The following GUCY2F variants were observed in gnomAD, a reference collection of about 807,000 sequenced individuals.
GUCY2F encodes the protein guanylate cyclase 2F, retinal, also known as retinal guanylyl cyclase 2.
In GUCY2F, 61 loss-of-function variants were observed where a neutral mutation model predicts 73.1. The ratio of observed to expected loss-of-function variants is 0.83; its 90% CI spans 0.68 to 1.03. The LOEUF (loss-of-function observed/expected upper bound fraction) is 1.03, where lower values mean the gene tolerates loss of function less well. Ranked by LOEUF, GUCY2F falls within the 50% of genes least tolerant of loss-of-function variation. The pLI is 0.00. For synonymous variants in GUCY2F, 331 were observed against 307.8 expected, an observed-to-expected ratio of 1.08 and a Z score of -0.79; for missense variants, 912 against 854.3, an observed-to-expected ratio of 1.07 and a Z score of -0.84.
chrX:109,409,254 CCTT>C (rs1319174878), intron 8 of GUCY2F, 86 bp from the exon 9 acceptor site: 1 of 491,235 alleles, frequency 2.0e-6, no homozygotes, highest in East Asian at 3.5e-5. Flanking sequence ...TTCTCTTGAC[CCTT>C]CTTATGATTG....
rs1932188092 is a variant in GUCY2F, at chrX:109,453,621, A to G, written c.1271T>C (p.Val424Ala). Residue 424 changes from valine (V) to alanine (A), a missense_variant, in exon 4 of 20, where the codon GTG becomes GCG. Transcript: ENST00000218006. ...KEWELHSTYT[V>A]DMEMELLRFG... ...ACGTAGCAGCTCCATTTCCATGTCCACAGTGTAGGTGCTATGGAGTTCCCA... is the reference window on the plus strand; with the variant it reads ...ACGTAGCAGCTCCATTTCCATGTCCGCAGTGTAGGTGCTATGGAGTTCCCA... 1 of 1,198,129 alleles carries G rather than the reference A, an allele frequency of 8.3e-7. No individual in the cohort carries two copies. Among genetic ancestry groups the G allele is most frequent in the African/African-American group, 1.8e-5 (1 of 56,844 alleles).
intron 17 of GUCY2F, 54 bp downstream of exon 17, chrX:109,382,064 C>A (rs1930326117): frequency 6.0e-6 from 4 of 661,241 alleles, no homozygotes; most frequent in Non-Finnish European, 1.0e-5. Context: ...CATGACCTCT[C>A]CAGAAGCAGG....
At chrX:109,408,752 A>G (rs753763476) in intron 9 of GUCY2F, among the ~76,000 whole-genome samples, 13 of 111,628 alleles carry the variant, frequency 1.2e-4, no homozygotes, top group Non-Finnish European at 2.3e-4. Flanking sequence ...CCATATAAGA[A>G]GTGCCTTTCA....
At chrX:109,460,299 C>G (rs1229392134) in intron 3 of GUCY2F, among the ~76,000 whole-genome samples, 2 of 111,528 alleles carry the variant, frequency 1.8e-5, no homozygotes, top group East Asian at 5.6e-4. Context: ...TATCATGTGT[C>G]AAAGACTCAT....
intron 2 of GUCY2F, 117 bp from the exon 3 acceptor site, chrX:109,465,560 C>T: frequency 1.9e-6 from 1 of 524,360 alleles, no homozygotes; most frequent in Middle Eastern, 4.1e-4. Context: ...GTTTCTTATG[C>T]CTCCAAGATA....
chrX:109,383,267 G>A (rs1326071241), intron 16 of GUCY2F: 2 of 171,803 alleles, frequency 1.2e-5, no homozygotes, highest in Non-Finnish European at 9.3e-6. Context: ...AGTCCTATGT[G>A]TGCATCCCAC....
rs200322425 is a variant in GUCY2F, at chrX:109,388,537, G to A, written c.2908C>T (p.Arg970Trp). 10 of 1,204,529 alleles carry A rather than the reference G, an allele frequency of 8.3e-6. No individual in the cohort carries two copies. Among genetic ancestry groups the A allele is most frequent in the South Asian group, 7.1e-5 (4 of 56,593 alleles). ...CGGACCGGCACTTCTGGCATGTGCC[G>A]CATCTTGAAAGTGCCCACAGAGCTC... is the stretch of plus-strand genomic sequence containing the variant. ...ILSSVGTFKM[R>W]HMPEVPVRIR... is the part of the protein sequence containing the mutation. Residue 970 changes from arginine (R) to tryptophan (W), a missense_variant, in exon 15 of 20, where the codon CGG becomes TGG. Arg to Trp is a moderately radical substitution (Grantham distance 101). Coordinates refer to ENST00000218006, the MANE Select transcript of GUCY2F (RefSeq NM_001522.3).
intron 3 of GUCY2F, among the ~76,000 whole-genome samples, chrX:109,454,453 C>T (rs909852654): frequency 1.8e-5 from 2 of 111,389 alleles, no homozygotes; most frequent in Non-Finnish European, 3.8e-5. Context: ...AGACATCCAC[C>T]CTGACACATA....
At chrX:109,465,511 G>T in intron 2 of GUCY2F, 68 bp from the exon 3 acceptor site, 1 of 797,005 alleles carries the variant, frequency 1.3e-6, no homozygotes, top group Non-Finnish European at 1.8e-6. Flanking sequence ...AAAAACTACA[G>T]AGAGGAAAAA....
intron 12 of GUCY2F, among the ~76,000 whole-genome samples, chrX:109,394,356 G>T (rs748897922): frequency 8.9e-6 from 1 of 111,880 alleles, no homozygotes; most frequent in Non-Finnish European, 1.9e-5. Context: ...ATGGTCCTTC[G>T]CCTCTTCCAT....
At chrX:109,445,212 A>T (rs1326971732) in intron 6 of GUCY2F, among the ~76,000 whole-genome samples, 1 of 112,145 alleles carries the variant, frequency 8.9e-6, no homozygotes, top group Non-Finnish European at 1.9e-5. Context: ...TTACATTACA[A>T]TCACAACCAG....
At chrX:109,476,505 G>A (rs73530268) in intron 1 of GUCY2F, among the ~76,000 whole-genome samples, 316 of 111,415 alleles carry the variant, frequency 2.8e-3, no homozygotes, top group African/African-American at 9.8e-3. Context: ...ACAATGCAGA[G>A]TAAAAAGTGC....
chrX:109,412,669 C>G (rs1242674557), intron 8 of GUCY2F, among the ~76,000 whole-genome samples: 8 of 112,569 alleles, frequency 7.1e-5, no homozygotes, highest in Non-Finnish European at 1.5e-4. Flanking sequence ...ATTTTCTCTT[C>G]TTCTTGGGCA....
At chrX:109,407,426 T>A (rs1930999181) in intron 9 of GUCY2F, among the ~76,000 whole-genome samples, 1 of 113,070 alleles carries the variant, frequency 8.8e-6, no homozygotes, top group South Asian at 3.6e-4. Context: ...TTTAGAAAAT[T>A]TGCAGCCTGA....
intron 10 of GUCY2F, among the ~76,000 whole-genome samples, chrX:109,400,258 CTGGAAGGCTACAA>C (rs1930809479): frequency 9.1e-6 from 1 of 110,330 alleles, no homozygotes; most frequent in African/African-American, 3.3e-5. Flanking sequence ...ACCAGATACA[CTGGAAGGCTACAA>C]TGGAGAAGGA....
Position 109,404,424 on chromosome X carries a change from C to G in GUCY2F, c.2029G>C (p.Val677Leu), listed in dbSNP as rs35474112. Residue 677 changes from valine to leucine, a missense_variant, in exon 10 of 20, where the codon GTG (valine) becomes CTG (leucine). Coordinates refer to ENST00000218006, the MANE Select transcript of GUCY2F (RefSeq NM_001522.3). ...VHGRLKSRNC[V>L]VDGRFVLKVT... ...TTTAGTACAAAACGCCCATCTACCA[C>G]ACAGTTTCGAGACTTTAGCCTCCCA... The G allele has an allele frequency of 4.3e-3, 5,156 of 1,190,933 alleles. 66 individuals carry two copies. The East Asian group carries it at 0.044, about 10-fold the overall frequency.
intron 3 of GUCY2F, among the ~76,000 whole-genome samples, chrX:109,462,698 T>C (rs1932385952): frequency 8.9e-6 from 1 of 111,850 alleles, no homozygotes; most frequent in South Asian, 3.7e-4. Context: ...ACAATATACA[T>C]ACACATACAT....
chrX:109,379,866 C>T (rs2147249440), intron 17 of GUCY2F, among the ~76,000 whole-genome samples: 1 of 112,205 alleles, frequency 8.9e-6, no homozygotes, highest in South Asian at 3.7e-4. Flanking sequence ...GGCAGTGGGC[C>T]CAAGAGGCTG....
chrX:109,478,532 T>G (rs929549607), intron 1 of GUCY2F, among the ~76,000 whole-genome samples: 3 of 112,460 alleles, frequency 2.7e-5, no homozygotes, highest in African/African-American at 9.7e-5. Context: ...GCCGACATAC[T>G]GCCTCTTCTT....
Sources: gnomAD v4.1 joint callset for allele counts (sites outside exome capture counted in the v4.1 genomes callset) on GRCh38, gnomAD v4.1.1 for gene constraint, MANE v1.5 for transcripts, NCBI Gene and HGNC (gene_info 2026-07-23, HGNC 2026-07-21) for gene names.